The following CHST11 variants were observed in gnomAD, a reference collection of about 807,000 sequenced individuals.
The protein encoded by CHST11 is carbohydrate sulfotransferase 11.
CHST11 carries 9 observed loss-of-function variants against 30.4 expected under a neutral mutation model. That is an observed-to-expected ratio of 0.30 (90% CI 0.18 to 0.52). The LOEUF is 0.52. CHST11 is among the 20% of genes least tolerant of loss of function. CHST11 has a pLI of 0.97. For synonymous variants in CHST11, 152 were observed against 187.8 expected (o/e 0.81, Z 1.56); for missense variants, 348 against 460.6 (o/e 0.76, Z 2.24).
At chr12:104,569,237 G>A (rs1347882725) in intron 1 of CHST11, among the ~76,000 whole-genome samples, 2 of 152,116 alleles carry the variant, frequency 1.3e-5, no homozygotes, top group Non-Finnish European at 2.9e-5. Context: ...TTATTCTGAC[G>A]GAAGAAATTC....
At position 104,594,417 on chromosome 12, in the gene CHST11, A is replaced by T. The variant is rs187099636; in HGVS notation, c.119-7489A>T. Among the ~76,000 whole-genome samples the T allele has an allele frequency of 3.3e-5, 5 of 152,282 alleles. No individual in the cohort carries two copies. In the East Asian group the frequency reaches 9.6e-4, roughly 29 times the overall value. On this transcript the variant is annotated intron_variant, in intron 1 of 2. Transcript: ENST00000303694. ...AAATCTCGGAGTGGATTAGCTTCAGATGTAGTTTTCGGGAGGACTTATTGG... is the reference window on the plus strand; with the variant it reads ...AAATCTCGGAGTGGATTAGCTTCAGTTGTAGTTTTCGGGAGGACTTATTGG...
intron 1 of CHST11, among the ~76,000 whole-genome samples, chr12:104,550,042 C>G (rs182238472): frequency 6.6e-6 from 1 of 152,158 alleles, no homozygotes; most frequent in East Asian, 1.9e-4. Flanking sequence ...TAAATTGCAC[C>G]GGGAGTCAGA....
intron 2 of CHST11, among the ~76,000 whole-genome samples, chr12:104,680,527 T>C (rs2039785368): frequency 6.6e-6 from 1 of 152,186 alleles, no homozygotes; most frequent in African/African-American, 2.4e-5. Flanking sequence ...GCACCATTGC[T>C]TTTGCCTACT....
chr12:104,689,163 C>T (rs1298740233), intron 2 of CHST11, among the ~76,000 whole-genome samples: 1 of 152,136 alleles, frequency 6.6e-6, no homozygotes, highest in Non-Finnish European at 1.5e-5. Context: ...ATTTTCCTTC[C>T]AAGCTGCCTG....
intron 1 of CHST11, among the ~76,000 whole-genome samples, chr12:104,578,026 G>A (rs2038702310): frequency 6.6e-6 from 1 of 152,202 alleles, no homozygotes; most frequent in Non-Finnish European, 1.5e-5. Context: ...CAGGGCTGGA[G>A]CACGGTGCCA....
intron 2 of CHST11, among the ~76,000 whole-genome samples, chr12:104,611,035 CT>C (rs2039055605): frequency 6.6e-6 from 1 of 152,152 alleles, no homozygotes. Flanking sequence ...TTTCTTTCCC[CT>C]CCAAGCTCCG....
intron 1 of CHST11, among the ~76,000 whole-genome samples, chr12:104,536,531 C>G (rs1372164666): frequency 6.6e-6 from 1 of 152,230 alleles, no homozygotes; most frequent in African/African-American, 2.4e-5. Flanking sequence ...TCATCCACAG[C>G]AGCCCATGGT....
chr12:104,603,217 G>A (rs964389165), intron 2 of CHST11, among the ~76,000 whole-genome samples: 3 of 152,294 alleles, frequency 2.0e-5, no homozygotes, highest in Non-Finnish European at 2.9e-5. Context: ...TAAGGAAGAG[G>A]CAGAACTGTG....
intron 1 of CHST11, among the ~76,000 whole-genome samples, chr12:104,588,638 A>G (rs1243633466): frequency 6.6e-6 from 1 of 152,204 alleles, no homozygotes. Context: ...GAGCTGACTG[A>G]AGTCCATCCC....
Position 104,667,549 on chromosome 12 carries a change from A to C in CHST11, c.204+65558A>C, listed in dbSNP as rs2039652780. ...ATTTGGGAAGGAGCCAAGTGGACAC[A>C]GGATGGTTTTAGACGAGTGGTCCTA... On this transcript the variant is annotated intron_variant, in intron 2 of 2. Transcript: ENST00000303694. 2.0e-5 allele frequency among the ~76,000 whole-genome samples: 3 copies of C among 152,234 alleles called. No homozygotes were observed. The South Asian group carries it at 6.2e-4, about 31-fold the overall frequency.
chr12:104,470,244 G>A (rs907045355), intron 1 of CHST11, among the ~76,000 whole-genome samples: 5 of 152,202 alleles, frequency 3.3e-5, no homozygotes, highest in Admixed American at 3.3e-4. Flanking sequence ...CTCAGACTGG[G>A]TAATTTATAA....
intron 2 of CHST11, among the ~76,000 whole-genome samples, chr12:104,746,779 C>G: frequency 6.6e-6 from 1 of 152,318 alleles, no homozygotes; most frequent in Non-Finnish European, 1.5e-5. Flanking sequence ...CAGACCAGAT[C>G]GTTTCTTTAA....
At chr12:104,561,523 G>T (rs1336313071) in intron 1 of CHST11, among the ~76,000 whole-genome samples, 1 of 152,180 alleles carries the variant, frequency 6.6e-6, no homozygotes, top group African/African-American at 2.4e-5. Flanking sequence ...GGCAAGACCA[G>T]GTTTTGGGGA....
chr12:104,720,875 G>A (rs189334356), intron 2 of CHST11, among the ~76,000 whole-genome samples: 1 of 152,164 alleles, frequency 6.6e-6, no homozygotes, highest in African/African-American at 2.4e-5. Flanking sequence ...TCTTATAGAC[G>A]CCGTTCACCT....
intron 2 of CHST11, among the ~76,000 whole-genome samples, chr12:104,632,792 TC>T (rs1367355084): frequency 1.3e-5 from 2 of 152,158 alleles, no homozygotes; most frequent in Non-Finnish European, 2.9e-5. Flanking sequence ...GCCCACTCGT[TC>T]CCGGTCCTCC....
chr12:104,584,914 G>A (rs992411113), intron 1 of CHST11, among the ~76,000 whole-genome samples: 12 of 152,312 alleles, frequency 7.9e-5, no homozygotes, highest in African/African-American at 2.9e-4. Context: ...TTTGAAGGGT[G>A]TAAACATCAT....
intron 1 of CHST11, among the ~76,000 whole-genome samples, chr12:104,590,169 A>G (rs2038844294): frequency 6.6e-6 from 1 of 152,080 alleles, no homozygotes; most frequent in Admixed American, 6.5e-5. Context: ...TCTTCTCCAG[A>G]TGGCCTGCAC....
chr12:104,590,197 G>A (rs911395555), intron 1 of CHST11, among the ~76,000 whole-genome samples: 12 of 152,026 alleles, frequency 7.9e-5, no homozygotes, highest in African/African-American at 2.4e-4. Context: ...GTCTATGTGC[G>A]CACCTGTTCC....
chr12:104,692,061 A>C (rs2039901467), intron 2 of CHST11, among the ~76,000 whole-genome samples: 1 of 152,254 alleles, frequency 6.6e-6, no homozygotes, highest in African/African-American at 2.4e-5. Context: ...TTTTAAATAC[A>C]TACAATTGAG....
Sources: allele counts gnomAD v4.1 joint callset (sites outside exome capture counted in the v4.1 genomes callset), GRCh38; gene constraint gnomAD v4.1.1; transcripts MANE v1.5; gene names NCBI Gene and HGNC (gene_info 2026-07-23, HGNC 2026-07-21).